SLC24A5: variants seen among roughly 807,000 people sequenced by gnomAD.
SLC24A5 encodes sodium/potassium/calcium exchanger 5.
A neutral mutation model predicts 51.6 loss-of-function variants in SLC24A5; 46 were observed. The observed-to-expected ratio is 0.89, with a 90% CI of 0.70 to 1.14. SLC24A5 has a LOEUF of 1.14. SLC24A5 is among the 50% of genes most tolerant of loss of function. The pLI is 0.00. For synonymous variants in SLC24A5, 230 were observed against 214.9 expected, an observed-to-expected ratio of 1.07 and a Z score of -0.62; for missense variants, 581 against 604.1, an observed-to-expected ratio of 0.96 and a Z score of 0.40.
At chr15:48,131,718 C>T (rs1818822935) in intron 2 of SLC24A5, among the ~76,000 whole-genome samples, 1 of 151,244 alleles carries the variant, frequency 6.6e-6, no homozygotes, top group Admixed American at 6.6e-5. Context: ...CCTTTATACA[C>T]ACAAAATGCA....
In SLC24A5 at chr15:48,134,904, G is replaced by A; in HGVS notation, c.510G>A (p.Trp170Ter). The change falls in exon 5 of 9, where the codon TGG becomes TGA. Residue 170 changes from tryptophan (W) to a stop codon, truncating the protein, a stop_gained. Transcript: ENST00000341459. LOFTEE classifies it high-confidence loss of function. Reference sequence around the variant, plus strand: ...TACAGGTCTCAACACTATCATGTTGGCCCCTATTCAGAGACTGTGCAGCGT... The same window carrying A: ...TACAGGTCTCAACACTATCATGTTGACCCCTATTCAGAGACTGTGCAGCGT... ...LSNTVSTLSC[W>*]PLFRDCAAYT... 1 of 1,611,506 alleles carries A rather than the reference G, an allele frequency of 6.2e-7. No homozygotes were observed. Among genetic ancestry groups the A allele is most frequent in the South Asian group, 1.1e-5 (1 of 90,446 alleles).
chr15:48,137,473 G>T (rs932752002), intron 6 of SLC24A5: 4 of 152,160 alleles, frequency 2.6e-5, no homozygotes, highest in African/African-American at 9.7e-5. Context: ...ATCTTGGAAG[G>T]TTTCTGAGGA....
chr15:48,142,290 T>A lies in SLC24A5; in HGVS notation c.1442T>A (p.Leu481Ter). 1 of 1,613,466 alleles carries A rather than the reference T, an allele frequency of 6.2e-7. No individual in the cohort carries two copies. Among genetic ancestry groups the A allele is most frequent in the Non-Finnish European group, 8.5e-7 (1 of 1,179,576 alleles). Residue 481 changes from leucine to a stop codon, truncating the protein, a stop_gained, in exon 9 of 9, where the codon TTA becomes TAA. Transcript: ENST00000341459. LOFTEE classifies it high-confidence loss of function. Reference protein sequence around the residue: ...CLLSYLGLATLSVLYELGIIG... With the variant: ...CLLSYLGLAT ...TTATCATACTTGGGGCTTGCTACAT[T>A]ATCAGTTCTATATGAACTTGGAATT...
In SLC24A5 at chr15:48,120,998, T is replaced by C. The variant is rs1413975566; in HGVS notation, c.-47T>C. The C allele has an allele frequency of 6.3e-7, 1 of 1,595,532 alleles. No individual in the cohort carries two copies. The highest frequency in any genetic ancestry group is 1.7e-5 in the Admixed American group (1 of 58,606). ...CTCACATGATCCAGTTTAATCCTCC[T>C]CTTCTCCCTTCCTGAAGCTGCACGC... On this transcript the variant is annotated 5_prime_UTR_variant, in exon 1 of 9. Coordinates refer to ENST00000341459, the MANE Select transcript of SLC24A5 (RefSeq NM_205850.3).
chr15:48,134,766 C>A, intron 4 of SLC24A5, 118 bp from the exon 5 acceptor site: 2 of 859,184 alleles, frequency 2.3e-6, no homozygotes, highest in Non-Finnish European at 3.5e-6. Context: ...TTTCTCTAAG[C>A]AATATGCAAA....
intron 2 of SLC24A5, among the ~76,000 whole-genome samples, chr15:48,132,637 G>T (rs1240580240): frequency 6.6e-6 from 1 of 152,082 alleles, no homozygotes; most frequent in Non-Finnish European, 1.5e-5. Context: ...TTCTCACTCA[G>T]GGTCTCTTGT....
At position 48,139,154 on chromosome 15, in the gene SLC24A5, G is replaced by A. The variant is rs555872528; in HGVS notation, c.1057G>A (p.Val353Ile). The A allele has an allele frequency of 6.2e-7, 1 of 1,611,778 alleles. No homozygotes were observed. The highest frequency in any genetic ancestry group is 2.2e-5 in the East Asian group (1 of 44,746). ...IWISAFTYIL[V>I]WMVTITGETL... ...GATATCCGCATTTACATATATCCTG[G>A]TTTGGATGGTCACAATAACTGGTAT... The change falls in exon 7 of 9, where the codon GTT becomes ATT. Residue 353 changes from valine (V) to isoleucine (I), a missense_variant. Coordinates refer to ENST00000341459, the MANE Select transcript of SLC24A5 (RefSeq NM_205850.3).
chr15:48,138,846 G>A, intron 6 of SLC24A5, 123 bp from the exon 7 acceptor site: 2 of 714,692 alleles, frequency 2.8e-6, no homozygotes, highest in Non-Finnish European at 4.7e-6. Context: ...GTACTCAAAT[G>A]TTTTAAACAG....
intron 2 of SLC24A5, among the ~76,000 whole-genome samples, chr15:48,125,864 T>C (rs1029064191): frequency 1.3e-5 from 2 of 152,094 alleles, no homozygotes; most frequent in East Asian, 3.9e-4. Context: ...CAACCTAGAA[T>C]ACAATGGAAG....
chr15:48,140,905 T>C (rs995160192), intron 7 of SLC24A5: 2 of 447,050 alleles, frequency 4.5e-6, no homozygotes, highest in Admixed American at 7.4e-5. Flanking sequence ...AGATATGTCA[T>C]TAAAAATCTG....
chr15:48,123,377 C>G (rs2038699340), intron 2 of SLC24A5: 1 of 151,772 alleles, frequency 6.6e-6, no homozygotes, highest in Admixed American at 6.6e-5. Flanking sequence ...ACACAGTTAC[C>G]ATTTGGTATA....
chr15:48,130,456 A>G (rs1283742340), intron 2 of SLC24A5, among the ~76,000 whole-genome samples: 1 of 152,138 alleles, frequency 6.6e-6, no homozygotes, highest in African/African-American at 2.4e-5. Context: ...AATAGGAACA[A>G]GCTTTATTCT....
rs150379789 is a variant in SLC24A5, at chr15:48,134,303, C to T, written c.347C>T (p.Ala116Val). Residue 116 changes from alanine to valine, a missense_variant, in exon 3 of 9, where the codon GCG becomes GTG. By Grantham distance (64) the Ala-to-Val change is moderately conservative (BLOSUM62 0). Coordinates refer to ENST00000341459, the MANE Select transcript of SLC24A5 (RefSeq NM_205850.3). ...QDVAGTTFMA[A>V]GSSAPELVTA... is the part of the protein sequence containing the mutation. ...GTTGCAGGCACAACTTTCATGGCAG[C>T]GGGCAGTTCAGCTCCTGAATTAGTT... The T allele has an allele frequency of 2.5e-5, 40 of 1,613,480 alleles. No individual in the cohort carries two copies. The highest frequency in any genetic ancestry group is 1.8e-4 in the East Asian group (8 of 44,884).
At chr15:48,122,548 A>T (rs1276623363) in intron 2 of SLC24A5, 1 of 162,398 alleles carries the variant, frequency 6.2e-6, no homozygotes, top group East Asian at 1.8e-4. Flanking sequence ...AGAACCAATA[A>T]ACAGATAGAT....
chr15:48,130,162 A>G (rs776425966), intron 2 of SLC24A5, among the ~76,000 whole-genome samples: 1 of 152,188 alleles, frequency 6.6e-6, no homozygotes, highest in Non-Finnish European at 1.5e-5. Flanking sequence ...TTTCTACTAT[A>G]TCTTCCAGGA....
At chr15:48,135,595 A>G (rs1055710507) in intron 5 of SLC24A5, 2 of 152,412 alleles carry the variant, frequency 1.3e-5, no homozygotes, top group African/African-American at 4.8e-5. Context: ...AGTAAGCAGC[A>G]GGCACCTACT....
intron 6 of SLC24A5, 116 bp downstream of exon 6, chr15:48,137,079 A>G: frequency 8.8e-7 from 1 of 1,140,132 alleles, no homozygotes; most frequent in Non-Finnish European, 1.2e-6. Context: ...GTGAAGACTC[A>G]GAAATGATAA....
intron 2 of SLC24A5, among the ~76,000 whole-genome samples, chr15:48,128,599 G>A (rs2038756691): frequency 6.6e-6 from 1 of 152,026 alleles, no homozygotes; most frequent in Non-Finnish European, 1.5e-5. Context: ...CAGTTTCAGG[G>A]GATTGTTTGA....
chr15:48,126,343 A>G (rs1339140698), intron 2 of SLC24A5, among the ~76,000 whole-genome samples: 1 of 152,194 alleles, frequency 6.6e-6, no homozygotes, highest in Non-Finnish European at 1.5e-5. Context: ...CTGTAATCCT[A>G]TCTTCTTTTT....
Sources: allele counts gnomAD v4.1 joint callset (sites outside exome capture counted in the v4.1 genomes callset), GRCh38; gene constraint gnomAD v4.1.1; transcripts MANE v1.5; gene names NCBI Gene and HGNC (gene_info 2026-07-23, HGNC 2026-07-21).